The following SLCO1A2 variants were observed in gnomAD, a reference collection of about 807,000 sequenced individuals.
The protein encoded by SLCO1A2 is solute carrier organic anion transporter family member 1A2, also known as OATP-1.
Under a neutral mutation model 69.0 loss-of-function variants are expected in SLCO1A2, and 67 were observed. The observed-to-expected ratio is 0.97, with a 90% CI of 0.80 to 1.19. SLCO1A2 has a LOEUF of 1.19. SLCO1A2 is among the 50% of genes most tolerant of loss of function. The probability of loss-of-function intolerance (pLI) is 0.00; values close to 1 mark genes in which losing one functional copy is unlikely to be tolerated. For synonymous variants in SLCO1A2, 260 were observed against 265.9 expected (o/e 0.98, Z 0.22); for missense variants, 787 against 793.7 (o/e 0.99, Z 0.10).
At chr12:21,339,616 G>A (rs1171701313), upstream of SLCO1A2, among the ~76,000 whole-genome samples, 1 of 151,852 alleles carries the variant, frequency 6.6e-6, no homozygotes, top group Non-Finnish European at 1.5e-5. Context: ...TATAAGAAGA[G>A]CTAAAAAAAA....
intron 8 of SLCO1A2, among the ~76,000 whole-genome samples, chr12:21,297,967 A>G: frequency 6.6e-6 from 1 of 152,166 alleles, no homozygotes; most frequent in African/African-American, 2.4e-5. Flanking sequence ...TGTTCTGTAA[A>G]GTCTGGAGGA....
intron 2 of SLCO1A2, among the ~76,000 whole-genome samples, chr12:21,331,327 A>G (rs974073379): frequency 6.6e-6 from 1 of 152,140 alleles, no homozygotes; most frequent in African/African-American, 2.4e-5. Context: ...AAAATGAAAG[A>G]ACAATTGTGT....
At chr12:21,418,353 A>G (rs1343109085), upstream of SLCO1A2, among the ~76,000 whole-genome samples, 1 of 152,216 alleles carries the variant, frequency 6.6e-6, no homozygotes, top group Non-Finnish European at 1.5e-5. Context: ...CAGATTACTG[A>G]GAACTGCAGG....
chr12:21,274,497 A>T lies in SLCO1A2; in HGVS notation c.1765T>A (p.Cys589Ser), dbSNP rs1943437832. 1 of 1,612,870 alleles carries T rather than the reference A, an allele frequency of 6.2e-7. No homozygotes were observed. Among genetic ancestry groups the T allele is most frequent in the East Asian group, 2.2e-5 (1 of 44,820 alleles). Residue 589 changes from cysteine (C) to serine (S), a missense_variant, in exon 14 of 15, where the codon TGC (cysteine) becomes AGC (serine). Transcript: ENST00000683939. ...GTLKCGESGA[C>S]RIYDSTTFRY... The stretch of plus-strand genomic sequence containing the variant: ...AAGGTGGTGGAATCATATATCCTGC[A>T]TGCCCCTGACTCACCACATTTCAAA...
At chr12:21,297,826 A>G (rs915070812) in intron 8 of SLCO1A2, among the ~76,000 whole-genome samples, 1 of 152,182 alleles carries the variant, frequency 6.6e-6, no homozygotes, top group African/African-American at 2.4e-5. Context: ...GTTGAGTCTT[A>G]AAGATCAGTA....
chr12:21,312,809 C>T (rs1395753285), intron 4 of SLCO1A2, among the ~76,000 whole-genome samples: 1 of 152,080 alleles, frequency 6.6e-6, no homozygotes, highest in Non-Finnish European at 1.5e-5. Flanking sequence ...CACGGTGGCT[C>T]ACACCTGTAA....
At chr12:21,296,996 C>CA (rs1947819568) in intron 9 of SLCO1A2, among the ~76,000 whole-genome samples, 3 of 151,874 alleles carry the variant, frequency 2.0e-5, no homozygotes, top group Non-Finnish European at 4.4e-5. Flanking sequence ...CTAGGGGGAC[C>CA]AAAAAATTAA....
intron 1 of SLCO1A2, chr12:21,379,742 T>TA (rs1565524042): frequency 6.6e-6 from 1 of 152,102 alleles, no homozygotes; most frequent in Non-Finnish European, 1.5e-5. Flanking sequence ...CTTGTACTTT[T>TA]AAAAAAATAG....
chr12:21,383,321 T>C (rs1297203170), intron 1 of SLCO1A2, among the ~76,000 whole-genome samples: 1 of 152,196 alleles, frequency 6.6e-6, no homozygotes. Flanking sequence ...TATGGTTCAA[T>C]AAAACCTTTG....
In SLCO1A2 at chr12:21,308,594, C is replaced by CA. The variant is rs1182768522; in HGVS notation, c.336-1607dup. 1.3e-4 allele frequency among the ~76,000 whole-genome samples: 20 copies of CA among 151,766 alleles called. No homozygotes were observed. The South Asian group carries it at 3.7e-3, about 28-fold the overall frequency. On this transcript the variant is annotated intron_variant, in intron 4 of 14. Transcript: ENST00000683939. Reference sequence around the variant, plus strand: ...GCACACTGAGCATAGAAAGGCAATACAAAAAAAATGGGGGTATTAAGTTAA... The same window carrying CA: ...GCACACTGAGCATAGAAAGGCAATACAAAAAAAAATGGGGGTATTAAGTTAA...
chr12:21,386,575 T>A (rs1043150469), intron 1 of SLCO1A2, among the ~76,000 whole-genome samples: 3 of 152,066 alleles, frequency 2.0e-5, no homozygotes, highest in Non-Finnish European at 4.4e-5. Context: ...ATGTAAGACG[T>A]GTGTTTGCTT....
intron 2 of SLCO1A2, among the ~76,000 whole-genome samples, chr12:21,342,634 AT>A (rs1953109729): frequency 6.6e-6 from 1 of 152,056 alleles, no homozygotes; most frequent in African/African-American, 2.4e-5. Flanking sequence ...ATAGCACGAT[AT>A]ATAAGACAAA....
rs755205571 is a variant in SLCO1A2, at chr12:21,269,541, A to G, written c.*7T>C. Reference sequence around the variant, plus strand: ...CTAATTCTGAAAAAAGTAATATAATAGGACAATTACAATTTAGTTTTCAAT... The same window carrying G: ...CTAATTCTGAAAAAAGTAATATAATGGGACAATTACAATTTAGTTTTCAAT... On this transcript the variant is annotated 3_prime_UTR_variant, in exon 15 of 15. Coordinates refer to ENST00000683939, the MANE Select transcript of SLCO1A2 (RefSeq NM_001386879.1). 7.5e-6 allele frequency: 12 copies of G among 1,591,856 alleles called. No homozygotes were observed. The East Asian group carries it at 1.8e-4, about 24-fold the overall frequency.
intron 12 of SLCO1A2, among the ~76,000 whole-genome samples, chr12:21,289,829 T>C (rs1946556904): frequency 6.6e-6 from 1 of 151,826 alleles, no homozygotes; most frequent in East Asian, 1.9e-4. Flanking sequence ...GGCAGTCTTG[T>C]AGGACTGAAC....
At chr12:21,338,961 AGCATT>A (rs1952979196), upstream of SLCO1A2, among the ~76,000 whole-genome samples, 1 of 152,026 alleles carries the variant, frequency 6.6e-6, no homozygotes, top group East Asian at 1.9e-4. Context: ...CACTTAGCCT[AGCATT>A]AATAGCAGAT....
chr12:21,402,643 A>T (rs1026128426), intron 1 of SLCO1A2, among the ~76,000 whole-genome samples: 4 of 152,096 alleles, frequency 2.6e-5, no homozygotes, highest in African/African-American at 9.7e-5. Flanking sequence ...TTTAGGGACT[A>T]ACCATGATTT....
At chr12:21,336,286 A>G (rs896817928), upstream of SLCO1A2, among the ~76,000 whole-genome samples, 1 of 151,918 alleles carries the variant, frequency 6.6e-6, no homozygotes, top group Non-Finnish European at 1.5e-5. Context: ...TTAAATGTCT[A>G]TTTTTTCATA....
At position 21,321,545 on chromosome 12, in the gene SLCO1A2, C is replaced by A. The variant is rs568110793; in HGVS notation, c.61-2622G>T. ...TTCAGTAATTCCCATAAACAAAAATCTCTGATTTTTAAGATGGTAAACAAA... is the reference window on the plus strand; with the variant it reads ...TTCAGTAATTCCCATAAACAAAAATATCTGATTTTTAAGATGGTAAACAAA... On this transcript the variant is annotated intron_variant, in intron 2 of 14. Coordinates refer to ENST00000683939, the MANE Select transcript of SLCO1A2 (RefSeq NM_001386879.1). 4.6e-5 allele frequency among the ~76,000 whole-genome samples: 7 copies of A among 152,282 alleles called. No individual in the cohort carries two copies. The East Asian group carries it at 1.2e-3, about 25-fold the overall frequency.
chr12:21,319,174 A>G (rs1951261406), intron 2 of SLCO1A2, among the ~76,000 whole-genome samples: 1 of 152,246 alleles, frequency 6.6e-6, no homozygotes, highest in Admixed American at 6.5e-5. Context: ...TGGTACATAC[A>G]TAGAAACAAA....
Sources: gnomAD v4.1 joint callset for allele counts (sites outside exome capture counted in the v4.1 genomes callset) on GRCh38, gnomAD v4.1.1 for gene constraint, MANE v1.5 for transcripts, NCBI Gene and HGNC (gene_info 2026-07-23, HGNC 2026-07-21) for gene names.